Variants in SAMD3 observed in about 807,000 individuals in gnomAD.
SAMD3 encodes sterile alpha motif domain-containing protein 3.
In SAMD3, 63 loss-of-function variants were observed where a neutral mutation model predicts 58.5. That is an observed-to-expected ratio of 1.08 (90% CI 0.88 to 1.33). The LOEUF (loss-of-function observed/expected upper bound fraction) is 1.33. Ranked by LOEUF, SAMD3 falls within the 40% of genes most tolerant of loss-of-function variation. The pLI, the probability that SAMD3 is intolerant of heterozygous loss-of-function variation, is 0.00. For synonymous variants in SAMD3, 220 were observed against 210.3 expected (o/e 1.05, Z -0.40); for missense variants, 604 against 608.4 (o/e 0.99, Z 0.08).
At position 130,144,604 on chromosome 6, in the gene SAMD3, CGT is replaced by C. The variant is rs1562359267; in HGVS notation, c.1477_1478del (p.Thr493AlafsTer51). The part of the protein sequence containing the change: ...RLSQTFNFLE[T>X]LIFDMHSPYF... ...AAGGACTGTGCATATCGAAAATCAG[CGT>C]TTCTAGGAAGTTGAAAGTTTGGGAC... is the stretch of plus-strand genomic sequence containing the variant. On this transcript the variant is annotated frameshift_variant, in exon 12 of 12. Transcript: ENST00000439090. LOFTEE classifies it high-confidence loss of function. The C allele has an allele frequency of 6.2e-7, 1 of 1,614,046 alleles. No homozygotes were observed. Among genetic ancestry groups the C allele is most frequent in the South Asian group, 1.1e-5 (1 of 91,084 alleles).
chr6:130,175,085 A>G (rs1171802320), intron 8 of SAMD3, among the ~76,000 whole-genome samples: 1 of 152,250 alleles, frequency 6.6e-6, no homozygotes. Context: ...TAGGATTTAC[A>G]TATTCACATT....
intron 1 of SAMD3, among the ~76,000 whole-genome samples, chr6:130,341,907 A>G (rs1265772900): frequency 5.3e-5 from 8 of 152,252 alleles, no homozygotes; most frequent in Non-Finnish European, 1.0e-4. Context: ...TAAAAAATCC[A>G]TAAAATATTC....
chr6:130,355,866 C>T (rs766799559), intron 1 of SAMD3, among the ~76,000 whole-genome samples: 4 of 152,186 alleles, frequency 2.6e-5, no homozygotes, highest in African/African-American at 7.2e-5. Context: ...AAGTGTAGAG[C>T]GCATGATTTA....
At chr6:130,365,332 C>T in exon 1 of SAMD3, 7 of 985,600 alleles carry the variant, frequency 7.1e-6, no homozygotes, top group Non-Finnish European at 8.4e-6. Flanking sequence ...TCCATTTCCC[C>T]CGCCCATGGT....
chr6:130,315,158 T>C (rs1378777473), intron 1 of SAMD3, among the ~76,000 whole-genome samples: 4 of 152,156 alleles, frequency 2.6e-5, no homozygotes, highest in Non-Finnish European at 5.9e-5. Context: ...GTGTAACCTA[T>C]GTGCTTACAT....
intron 10 of SAMD3, 65 bp downstream of exon 10, chr6:130,145,945 A>G: frequency 3.8e-6 from 4 of 1,053,436 alleles, no homozygotes; most frequent in Non-Finnish European, 5.1e-6. Context: ...CTACCAAAGC[A>G]TAACTTTTCT....
At chr6:130,333,363 A>T (rs2115015100) in intron 1 of SAMD3, among the ~76,000 whole-genome samples, 1 of 152,100 alleles carries the variant, frequency 6.6e-6, no homozygotes, top group East Asian at 1.9e-4. Flanking sequence ...ACCCACAACC[A>T]CCCATGTCCC....
At position 130,190,647 on chromosome 6, in the gene SAMD3, C is replaced by A. The variant is rs146810693; in HGVS notation, c.384-6024G>T. ...GACAGATCAACAGAAATGATCCAAT[C>A]TGAAAAACACTGGGAAAAGAGATTA... On this transcript the variant is annotated intron_variant, in intron 5 of 11. Transcript: ENST00000439090. Among the ~76,000 whole-genome samples, 36 of 152,078 alleles carry A rather than the reference C, an allele frequency of 2.4e-4. 1 individual carries two copies. The highest frequency in any genetic ancestry group is 1.5e-3 in the East Asian group (8 of 5,174).
At chr6:130,151,487 A>G (rs11154525) in intron 9 of SAMD3, among the ~76,000 whole-genome samples, 62,129 of 151,986 alleles carry the variant, frequency 0.41, 12,925 homozygotes, top group East Asian at 0.53. Flanking sequence ...TGTTGCCCAG[A>G]CTGGAGTGCA....
intron 7 of SAMD3, among the ~76,000 whole-genome samples, chr6:130,182,443 C>A (rs1156253307): frequency 1.3e-5 from 2 of 151,858 alleles, no homozygotes; most frequent in East Asian, 3.9e-4. Flanking sequence ...GTGAAAAAAA[C>A]CTTTAATTAC....
At chr6:130,157,181 T>G (rs1789866758) in intron 8 of SAMD3, among the ~76,000 whole-genome samples, 1 of 151,932 alleles carries the variant, frequency 6.6e-6, no homozygotes, top group Non-Finnish European at 1.5e-5. Context: ...CGTCATATAC[T>G]GCATTAATTA....
intron 1 of SAMD3, among the ~76,000 whole-genome samples, chr6:130,316,165 C>T (rs1038581237): frequency 6.6e-6 from 1 of 151,850 alleles, no homozygotes; most frequent in African/African-American, 2.4e-5. Flanking sequence ...GTGGCAGTCG[C>T]CTGTAACCCC....
intron 5 of SAMD3, among the ~76,000 whole-genome samples, chr6:130,200,351 C>T (rs1332650233): frequency 4.0e-5 from 6 of 148,598 alleles, no homozygotes; most frequent in African/African-American, 5.0e-5. Flanking sequence ...ACCATCCTGG[C>T]TAACACGGTG....
chr6:130,233,009 A>G (rs1370478270), intron 2 of SAMD3, among the ~76,000 whole-genome samples: 2 of 152,166 alleles, frequency 1.3e-5, no homozygotes, highest in Non-Finnish European at 1.5e-5. Flanking sequence ...TGATTGGCAG[A>G]GACAGGGCTG....
chr6:130,189,120 C>CAAG (rs1562419555), intron 5 of SAMD3, among the ~76,000 whole-genome samples: 10 of 144,498 alleles, frequency 6.9e-5, no homozygotes, highest in Admixed American at 1.4e-4. Context: ...AAAAAAAAAC[C>CAAG]AAAAAACAAA....
chr6:130,179,645 C>T (rs1432150680), intron 7 of SAMD3, among the ~76,000 whole-genome samples: 1 of 150,814 alleles, frequency 6.6e-6, no homozygotes, highest in Non-Finnish European at 1.5e-5. Context: ...ATAACGAATG[C>T]AATGCATAAT....
At chr6:130,225,479 T>G (rs1053829947), upstream of SAMD3, among the ~76,000 whole-genome samples, 1 of 152,162 alleles carries the variant, frequency 6.6e-6, no homozygotes, top group Non-Finnish European at 1.5e-5. Context: ...ATTTCTATAT[T>G]TAAGAAAAAC....
rs183424975 is a variant in SAMD3 at position 130,351,776 on chromosome 6, C to T, written c.-304+13344G>A. Among the ~76,000 whole-genome samples the T allele has an allele frequency of 4.1e-3, 627 of 152,138 alleles. 5 individuals are homozygous for T. The highest frequency in any genetic ancestry group is 0.014 in the African/African-American group (571 of 41,504). On this transcript the variant is annotated intron_variant, in intron 1 of 13. Coordinates refer to the SAMD3 transcript ENST00000368134. ...GACACATGCACACATATGTTTATTGCGGCACTATTCACAATAGCAAAGATT... is the reference window on the plus strand; with the variant it reads ...GACACATGCACACATATGTTTATTGTGGCACTATTCACAATAGCAAAGATT...
intron 8 of SAMD3, among the ~76,000 whole-genome samples, chr6:130,172,842 C>T (rs140024935): frequency 1.2e-3 from 180 of 152,330 alleles, no homozygotes; most frequent in Non-Finnish European, 1.9e-3. Flanking sequence ...TCAGGTACAC[C>T]TATCAATTGT....
Sources: allele counts gnomAD v4.1 joint callset (sites outside exome capture counted in the v4.1 genomes callset), GRCh38; gene constraint gnomAD v4.1.1; transcripts MANE v1.5; gene names NCBI Gene and HGNC (gene_info 2026-07-23, HGNC 2026-07-21).